The following AFF2 variants were observed in gnomAD, a reference collection of about 807,000 sequenced individuals.
AFF2 encodes ALF transcription elongation factor 2.
In AFF2, 14 loss-of-function variants were observed where a neutral mutation model predicts 76.9. The observed-to-expected ratio is 0.18, with a 90% CI of 0.12 to 0.28. The LOEUF is 0.28. AFF2 is among the 10% of genes least tolerant of loss of function. AFF2 has a pLI of 1.00. For synonymous variants in AFF2, 398 were observed against 366.7 expected, an observed-to-expected ratio of 1.09 and a Z score of -0.98; for missense variants, 868 against 1,001.1, an observed-to-expected ratio of 0.87 and a Z score of 1.79.
intron 5 of AFF2, 117 bp from the exon 6 acceptor site, chrX:148,842,849 C>T (rs1394910566): frequency 5.5e-6 from 3 of 545,401 alleles, no homozygotes; most frequent in Non-Finnish European, 5.6e-6. Context: ...GAATTGTTAA[C>T]AGCAGCTTCC....
At chrX:148,990,092 T>C (rs966361225) in intron 20 of AFF2, among the ~76,000 whole-genome samples, 1 of 112,344 alleles carries the variant, frequency 8.9e-6, no homozygotes, top group Non-Finnish European at 1.9e-5. Flanking sequence ...ATTTACTCTT[T>C]TATCAGCAGA....
chrX:148,874,438 A>G (rs1161415797), intron 7 of AFF2, among the ~76,000 whole-genome samples: 1 of 111,468 alleles, frequency 9.0e-6, no homozygotes, highest in African/African-American at 3.3e-5. Context: ...AGAGACGAAA[A>G]AAAAAAATGG....
chrX:148,996,572 CA>C lies in AFF2; in HGVS notation c.*5243del, dbSNP rs1428461581. 1 of 112,494 alleles carries C rather than the reference CA, an allele frequency of 8.9e-6. No individual in the cohort carries two copies. The highest frequency in any genetic ancestry group is 3.2e-5 in the African/African-American group (1 of 30,943). 9.3% of individuals were successfully genotyped at this position (112,494 alleles called of 1,213,427 possible). ...GTGGACACACACAGACACACACACA[CA>C]AACTCACCCTTACACACACACTTCG... On this transcript the variant is annotated 3_prime_UTR_variant, in exon 21 of 21. Transcript: ENST00000370460.
chrX:148,610,196 G>C (rs182727879), intron 1 of AFF2, among the ~76,000 whole-genome samples: 1 of 111,163 alleles, frequency 9.0e-6, no homozygotes, highest in South Asian at 3.8e-4. Flanking sequence ...TGTTATTATC[G>C]CTGTAGTTCT....
At chrX:148,924,636 G>A (rs368293808) in intron 9 of AFF2, among the ~76,000 whole-genome samples, 5 of 111,995 alleles carry the variant, frequency 4.5e-5, no homozygotes, top group East Asian at 2.8e-4. Context: ...CCTGCCTATA[G>A]GGGCATTAGA....
chrX:148,632,133 A>G (rs1029482527), intron 1 of AFF2, among the ~76,000 whole-genome samples: 2 of 112,178 alleles, frequency 1.8e-5, no homozygotes, highest in African/African-American at 6.5e-5. Flanking sequence ...AATCAAATAA[A>G]TACCTTCATG....
chrX:148,536,142 G>A (rs1054718833), intron 1 of AFF2, among the ~76,000 whole-genome samples: 2 of 109,396 alleles, frequency 1.8e-5, no homozygotes, highest in Non-Finnish European at 3.8e-5. Context: ...CCCAGGAGGT[G>A]GAGGTTGCAG....
chrX:148,707,038 A>G (rs1490263934), intron 3 of AFF2, among the ~76,000 whole-genome samples: 2 of 111,848 alleles, frequency 1.8e-5, no homozygotes, highest in African/African-American at 6.5e-5. Context: ...CATTTACTAG[A>G]TTGAATGGTT....
chrX:148,509,471 A>G (rs1428265180), intron 1 of AFF2, among the ~76,000 whole-genome samples: 1 of 112,196 alleles, frequency 8.9e-6, no homozygotes, highest in African/African-American at 3.2e-5. Context: ...ATTAACACAG[A>G]CCAACATTTG....
At chrX:148,617,382 T>A (rs1557250624) in intron 1 of AFF2, among the ~76,000 whole-genome samples, 1 of 112,246 alleles carries the variant, frequency 8.9e-6, no homozygotes, top group Non-Finnish European at 1.9e-5. Flanking sequence ...GTTTTGAAAG[T>A]GTCTGTTCAT....
intron 4 of AFF2, among the ~76,000 whole-genome samples, chrX:148,828,742 G>A (rs887878070): frequency 5.4e-5 from 6 of 111,684 alleles, no homozygotes; most frequent in African/African-American, 1.3e-4. Context: ...TAGAATGCCC[G>A]AGGAGTAACT....
chrX:148,713,545 C>T (rs55855923), intron 3 of AFF2, among the ~76,000 whole-genome samples: 16,039 of 111,275 alleles, frequency 0.14, 1,222 homozygotes, highest in African/African-American at 0.29. Flanking sequence ...ATACCTTCAG[C>T]ATAGGATTTC....
chrX:148,966,677 CTTTTTT>C, intron 13 of AFF2, 107 bp from the exon 14 acceptor site: 1 of 1,009,904 alleles, frequency 9.9e-7, no homozygotes, highest in Non-Finnish European at 1.3e-6. Flanking sequence ...TGTTTTCTTT[CTTTTTT>C]TTTTTTTTTG....
chrX:148,933,325 A>G (rs1235565175), intron 9 of AFF2, among the ~76,000 whole-genome samples: 1 of 112,080 alleles, frequency 8.9e-6, no homozygotes, highest in Non-Finnish European at 1.9e-5. Flanking sequence ...AGACTGTACA[A>G]GAGCTGGTAG....
intron 7 of AFF2, among the ~76,000 whole-genome samples, chrX:148,868,844 T>C (rs1419421410): frequency 9.0e-6 from 1 of 111,664 alleles, no homozygotes; most frequent in Non-Finnish European, 1.9e-5. Context: ...TAGAACAAAA[T>C]GGCAAAAACG....
At chrX:148,837,614 C>G (rs1336708045) in intron 4 of AFF2, 33 bp from the exon 5 acceptor site, 3 of 929,806 alleles carry the variant, frequency 3.2e-6, no homozygotes, top group Non-Finnish European at 4.7e-6. Flanking sequence ...TTTAATTGCC[C>G]TGAAATAAAG....
In AFF2 at chrX:148,662,207, A is replaced by T. The variant is rs782171370; in HGVS notation, c.480A>T (p.Ser160=). ...ACAGAAAATCAAAACCTGAGTGGTC[A>T]CGTGATAGTCATAACCCTAGCACTG... ...HSNRKSKPEW[S]RDSHNPSTVL... The change falls in exon 3 of 21, where the codon TCA becomes TCT. Residue 160 remains serine, a synonymous_variant. Coordinates refer to ENST00000370460, the MANE Select transcript of AFF2 (RefSeq NM_002025.4). The T allele has an allele frequency of 6.6e-6, 8 of 1,211,064 alleles. No individual in the cohort carries two copies. The highest frequency in any genetic ancestry group is 2.3e-4 in the Middle Eastern group (1 of 4,351).
intron 1 of AFF2, among the ~76,000 whole-genome samples, chrX:148,565,281 C>T (rs994750989): frequency 1.8e-5 from 2 of 111,061 alleles, no homozygotes; most frequent in Admixed American, 1.9e-4. Context: ...AACTCTGTTT[C>T]CCCTGTATTT....
At chrX:148,973,307 C>G (rs2072281355) in intron 15 of AFF2, among the ~76,000 whole-genome samples, 164 bp from the exon 16 acceptor site, 2 of 111,995 alleles carry the variant, frequency 1.8e-5, no homozygotes, top group African/African-American at 3.2e-5. Context: ...CCTCTGTTCA[C>G]CAGATGCCCC....
Sources: allele counts gnomAD v4.1 joint callset (sites outside exome capture counted in the v4.1 genomes callset), GRCh38; gene constraint gnomAD v4.1.1; transcripts MANE v1.5; gene names NCBI Gene and HGNC (gene_info 2026-07-23, HGNC 2026-07-21).